LHFPL3: variants seen among roughly 807,000 people sequenced by gnomAD.
The protein encoded by LHFPL3 is LHFPL tetraspan subfamily member 3.
A neutral mutation model predicts 19.3 loss-of-function variants in LHFPL3; 5 were observed. The ratio of observed to expected loss-of-function variants is 0.26; its 90% CI spans 0.14 to 0.54. LHFPL3 has a LOEUF of 0.54. LHFPL3 is among the 20% of genes least tolerant of loss of function. The pLI, the probability that LHFPL3 is intolerant of heterozygous loss-of-function variation, is 0.94. For missense variants in LHFPL3, 249 were observed against 307.4 expected (o/e 0.81, Z 1.42); for synonymous variants, 133 against 126.2 (o/e 1.05, Z -0.36).
At chr7:104,532,589 C>T (rs1295772300) in intron 1 of LHFPL3, among the ~76,000 whole-genome samples, 1 of 152,142 alleles carries the variant, frequency 6.6e-6, no homozygotes, top group Non-Finnish European at 1.5e-5. Flanking sequence ...AAATCCTTCT[C>T]TCTCTCCATG....
chr7:104,606,319 T>C lies in LHFPL3; in HGVS notation c.446-130356T>C, dbSNP rs189332087. ...AGATTTGGAAATAGCAAAACAGAGATATCAGAAAGCACTATTGCTTTTATC... is the reference window on the plus strand; with the variant it reads ...AGATTTGGAAATAGCAAAACAGAGACATCAGAAAGCACTATTGCTTTTATC... On this transcript the variant is annotated intron_variant, in intron 1 of 2. Coordinates refer to ENST00000424859, the MANE Select transcript of LHFPL3 (RefSeq NM_199000.3). Among the ~76,000 whole-genome samples, 193 of 152,322 alleles carry C rather than the reference T, an allele frequency of 1.3e-3. 1 individual carries two copies. The highest frequency in any genetic ancestry group is 1.5e-3 in the Non-Finnish European group (99 of 68,036).
chr7:104,553,451 G>A (rs565417614), intron 1 of LHFPL3, among the ~76,000 whole-genome samples: 7 of 152,148 alleles, frequency 4.6e-5, no homozygotes, highest in Non-Finnish European at 7.4e-5. Flanking sequence ...AACATGGGAG[G>A]AGGGAATGAC....
At chr7:104,670,681 G>T (rs1792459899) in intron 1 of LHFPL3, among the ~76,000 whole-genome samples, 1 of 152,024 alleles carries the variant, frequency 6.6e-6, no homozygotes, top group Non-Finnish European at 1.5e-5. Flanking sequence ...CCCTTTTATT[G>T]ATCAGAGTGC....
At chr7:104,775,257 A>G (rs1255889403) in intron 2 of LHFPL3, among the ~76,000 whole-genome samples, 1 of 152,090 alleles carries the variant, frequency 6.6e-6, no homozygotes, top group African/African-American at 2.4e-5. Flanking sequence ...TTAGCCAGGC[A>G]TTGTGGCAGG....
At chr7:104,458,797 C>T (rs953180429) in intron 1 of LHFPL3, among the ~76,000 whole-genome samples, 2 of 151,962 alleles carry the variant, frequency 1.3e-5, no homozygotes, top group South Asian at 4.1e-4. Context: ...CTTCTAGGTC[C>T]CAACATTCTC....
chr7:104,432,890 A>G (rs753677258), intron 1 of LHFPL3, among the ~76,000 whole-genome samples: 21 of 152,074 alleles, frequency 1.4e-4, no homozygotes, highest in Non-Finnish European at 2.6e-4. Context: ...GGCCATGACC[A>G]CCCCTTGCCT....
intron 1 of LHFPL3, chr7:104,668,781 C>T: frequency 3.1e-6 from 5 of 1,589,322 alleles, no homozygotes; most frequent in Non-Finnish European, 4.3e-6. Flanking sequence ...GAAGATGATT[C>T]CTCTGCTAGT....
chr7:104,497,785 G>C lies in LHFPL3; in HGVS notation c.445+168561G>C, dbSNP rs143102872. On this transcript the variant is annotated intron_variant, in intron 1 of 2. Transcript: ENST00000424859. ...GTGTTGCCCATTAATCCCATTTCCA[G>C]TGCTACTGTGGAAGGCACCAGATAC... Among the ~76,000 whole-genome samples the C allele has an allele frequency of 9.2e-4, 140 of 152,288 alleles. 2 individuals are homozygous for C. Among genetic ancestry groups the C allele is most frequent in the African/African-American group, 3.3e-3 (136 of 41,570 alleles).
chr7:104,331,554 A>G (rs954053726), intron 1 of LHFPL3, among the ~76,000 whole-genome samples: 1 of 152,180 alleles, frequency 6.6e-6, no homozygotes, highest in Non-Finnish European at 1.5e-5. Flanking sequence ...AGATATTTCT[A>G]AACAATGTTA....
chr7:104,754,521 C>G (rs1000507831), intron 2 of LHFPL3, among the ~76,000 whole-genome samples: 6 of 152,204 alleles, frequency 3.9e-5, no homozygotes. Context: ...CATTTGATGA[C>G]TCTTAAGCTT....
In LHFPL3 at chr7:104,399,045, A is replaced by G. The variant is rs923951461; in HGVS notation, c.445+69821A>G. On this transcript the variant is annotated intron_variant, in intron 1 of 2. Coordinates refer to ENST00000424859, the MANE Select transcript of LHFPL3 (RefSeq NM_199000.3). This position sits in a 1 kb window ranked among gnomAD's most constrained non-coding sequence, Gnocchi z 4.4. ...AGTTCCCTTTCTAAGGACAGGCTTT[A>G]TGGTTGGAGGGCAAACGCTAGTTTC... Among the ~76,000 whole-genome samples, 1 of 152,076 alleles carries G rather than the reference A, an allele frequency of 6.6e-6. No individual in the cohort carries two copies. Among genetic ancestry groups the G allele is most frequent in the African/African-American group, 2.4e-5 (1 of 41,398 alleles).
intron 1 of LHFPL3, among the ~76,000 whole-genome samples, chr7:104,397,174 A>G (rs1179144019): frequency 2.6e-5 from 4 of 152,148 alleles, no homozygotes; most frequent in Non-Finnish European, 5.9e-5. Context: ...TTTGATTTCA[A>G]ATAATTAGTA....
intron 1 of LHFPL3, among the ~76,000 whole-genome samples, chr7:104,351,873 C>G (rs926527059): frequency 5.9e-5 from 9 of 152,092 alleles, no homozygotes; most frequent in African/African-American, 1.9e-4. Flanking sequence ...CCTGTTACAT[C>G]GAAGCCCATC....
intron 1 of LHFPL3, among the ~76,000 whole-genome samples, chr7:104,493,707 T>TC (rs1009818305): frequency 3.3e-5 from 5 of 152,050 alleles, no homozygotes; most frequent in African/African-American, 7.2e-5. Context: ...ATAATTCTTG[T>TC]CTTTTTTTTT....
chr7:104,523,108 G>A (rs368319688), intron 1 of LHFPL3, among the ~76,000 whole-genome samples: 1 of 132,732 alleles, frequency 7.5e-6, no homozygotes, highest in African/African-American at 2.8e-5. Flanking sequence ...ACAGACATAT[G>A]TGTATTTTCT....
intron 1 of LHFPL3, among the ~76,000 whole-genome samples, chr7:104,411,216 G>C (rs1056435941): frequency 6.6e-6 from 1 of 152,118 alleles, no homozygotes; most frequent in Admixed American, 6.5e-5. Context: ...TATGAGTTCT[G>C]TTCTAGCTAT....
intron 1 of LHFPL3, among the ~76,000 whole-genome samples, chr7:104,336,457 G>T (rs1028680704): frequency 6.6e-6 from 1 of 151,132 alleles, no homozygotes; most frequent in Non-Finnish European, 1.5e-5. Context: ...AGTTTAAATT[G>T]TCCTAACTAT....
At chr7:104,590,406 G>A (rs538645468) in intron 1 of LHFPL3, among the ~76,000 whole-genome samples, 4 of 152,126 alleles carry the variant, frequency 2.6e-5, no homozygotes, top group South Asian at 2.1e-4. Context: ...GTTCAGTTTC[G>A]ATGTAGTTGA....
In LHFPL3 at chr7:104,358,625, A is replaced by G. The variant is rs562848532; in HGVS notation, c.445+29401A>G. Among the ~76,000 whole-genome samples, 7 of 152,332 alleles carry G rather than the reference A, an allele frequency of 4.6e-5. No individual in the cohort carries two copies. In the South Asian group the frequency reaches 1.2e-3, roughly 27 times the overall value. ...TATTGAGCCATAAAGACAATACAGC[A>G]TTGGGTGACTTTCACAGAGCCAGTG... On this transcript the variant is annotated intron_variant, in intron 1 of 2. Coordinates refer to ENST00000424859, the MANE Select transcript of LHFPL3 (RefSeq NM_199000.3).
Sources: gnomAD v4.1 joint callset for allele counts (sites outside exome capture counted in the v4.1 genomes callset) on GRCh38, gnomAD v4.1.1 for gene constraint, Gnocchi (gnomAD v3.1) non-coding constraint, MANE v1.5 for transcripts, NCBI Gene and HGNC (gene_info 2026-07-23, HGNC 2026-07-21) for gene names.